The following QKI variants were observed in gnomAD, a reference collection of about 807,000 sequenced individuals.
The protein encoded by QKI is KH domain-containing RNA-binding protein QKI.
Under a neutral mutation model 39.0 loss-of-function variants are expected in QKI, and 10 were observed. The ratio of observed to expected loss-of-function variants is 0.26; its 90% CI spans 0.16 to 0.43. The LOEUF is 0.43. QKI is among the 20% of genes least tolerant of loss of function. The pLI, the probability that QKI is intolerant of heterozygous loss-of-function variation, is 1.00. For missense variants in QKI, 218 were observed against 428.0 expected, an observed-to-expected ratio of 0.51 and a Z score of 4.33; for synonymous variants, 204 against 155.4, an observed-to-expected ratio of 1.31 and a Z score of -2.33.
At chr6:163,430,708 T>C (rs1376465074) in intron 1 of QKI, among the ~76,000 whole-genome samples, 3 of 152,144 alleles carry the variant, frequency 2.0e-5, no homozygotes, top group Non-Finnish European at 2.9e-5. Flanking sequence ...ATCTTCCCAG[T>C]TTGCTTTTTA....
At chr6:163,561,875 G>A in intron 4 of QKI, 107 bp from the exon 5 acceptor site, 3 of 739,824 alleles carry the variant, frequency 4.1e-6, no homozygotes, top group Admixed American at 6.0e-5. Context: ...TATTAAAACA[G>A]GTGACTGTAG....
intron 2 of QKI, among the ~76,000 whole-genome samples, chr6:163,477,846 T>C (rs1562471317): frequency 6.6e-6 from 1 of 152,228 alleles, no homozygotes. Context: ...GTGGATTTTC[T>C]AGCACGTTAC....
At chr6:163,474,094 T>C (rs1792397899) in intron 2 of QKI, among the ~76,000 whole-genome samples, 1 of 152,190 alleles carries the variant, frequency 6.6e-6, no homozygotes, top group Non-Finnish European at 1.5e-5. Flanking sequence ...GAAATGTTGT[T>C]TTAATAGATA....
intron 3 of QKI, among the ~76,000 whole-genome samples, chr6:163,490,687 T>G (rs1435096925): frequency 1.3e-5 from 2 of 152,010 alleles, no homozygotes; most frequent in African/African-American, 4.8e-5. Context: ...TTTATTTCAT[T>G]TTGAAAGCAG....
chr6:163,455,254 C>T (rs2128219202), intron 1 of QKI, 25 bp from the exon 2 acceptor site: 4 of 1,587,190 alleles, frequency 2.5e-6, no homozygotes, highest in East Asian at 4.5e-5. Flanking sequence ...TTGTCTAACA[C>T]ATTTAAAATT....
At chr6:163,428,554 A>C (rs1265415511) in intron 1 of QKI, among the ~76,000 whole-genome samples, 2 of 152,200 alleles carry the variant, frequency 1.3e-5, no homozygotes, top group East Asian at 3.8e-4. Context: ...AGATAGTCTT[A>C]TCTCACTTTT....
intron 3 of QKI, among the ~76,000 whole-genome samples, chr6:163,494,477 C>T (rs1373328958): frequency 1.3e-5 from 2 of 152,084 alleles, no homozygotes; most frequent in South Asian, 2.1e-4. Context: ...TCATTACTGG[C>T]GACACTTTCA....
intron 1 of QKI, among the ~76,000 whole-genome samples, chr6:163,437,737 A>G (rs1474749750): frequency 3.3e-5 from 5 of 152,138 alleles, no homozygotes; most frequent in African/African-American, 1.2e-4. Context: ...TAGTTATGCA[A>G]ATTTACATTA....
At chr6:163,517,752 G>A (rs1335745941) in intron 3 of QKI, among the ~76,000 whole-genome samples, 1 of 152,176 alleles carries the variant, frequency 6.6e-6, no homozygotes, top group Non-Finnish European at 1.5e-5. Flanking sequence ...TAGTTAAGCT[G>A]ACACACTGCA....
chr6:163,512,184 C>T (rs146265054), intron 3 of QKI, among the ~76,000 whole-genome samples: 2 of 151,946 alleles, frequency 1.3e-5, no homozygotes, highest in Admixed American at 1.3e-4. Flanking sequence ...TAGAAGGAAA[C>T]TTCCTCAGTT....
intron 1 of QKI, among the ~76,000 whole-genome samples, chr6:163,448,698 T>C (rs138014667): frequency 0.039 from 5,989 of 152,086 alleles, 400 homozygotes; most frequent in African/African-American, 0.14. Context: ...GATTGTGCCA[T>C]TGCACTCCAG....
At chr6:163,439,181 G>A (rs969484430) in intron 1 of QKI, among the ~76,000 whole-genome samples, 2 of 152,110 alleles carry the variant, frequency 1.3e-5, no homozygotes, top group African/African-American at 4.8e-5. Flanking sequence ...CACAGTGTCT[G>A]ATACCACAGA....
intron 3 of QKI, among the ~76,000 whole-genome samples, chr6:163,506,725 C>T (rs1779117914): frequency 6.6e-6 from 1 of 152,120 alleles, no homozygotes; most frequent in African/African-American, 2.4e-5. Flanking sequence ...GTGCCTGGCA[C>T]ATTGTAGACA....
At chr6:163,467,663 T>G (rs2128222361) in intron 2 of QKI, among the ~76,000 whole-genome samples, 1 of 152,350 alleles carries the variant, frequency 6.6e-6, no homozygotes, top group African/African-American at 2.4e-5. Flanking sequence ...ATTTTATAAA[T>G]TAGCTATTTC....
intron 2 of QKI, among the ~76,000 whole-genome samples, chr6:163,472,900 A>G (rs1434436071): frequency 1.3e-5 from 2 of 152,202 alleles, no homozygotes; most frequent in East Asian, 1.9e-4. Context: ...GAAGGAATAC[A>G]ATAAGCAAAA....
intron 3 of QKI, among the ~76,000 whole-genome samples, chr6:163,530,734 C>T (rs1442215710): frequency 6.6e-6 from 1 of 152,108 alleles, no homozygotes; most frequent in Non-Finnish European, 1.5e-5. Context: ...GTCGGTCTCT[C>T]TCTTCACACT....
intron 7 of QKI, chr6:163,569,012 CAAA>C (rs1783544074): frequency 1.0e-6 from 1 of 980,730 alleles, no homozygotes; most frequent in Non-Finnish European, 1.2e-6. Flanking sequence ...CTGAGTAATA[CAAA>C]AACCATCACT....
intron 3 of QKI, among the ~76,000 whole-genome samples, chr6:163,485,201 G>T (rs567053186): frequency 3.3e-5 from 5 of 152,300 alleles, no homozygotes; most frequent in Admixed American, 6.5e-5. Flanking sequence ...TTTTAGATGA[G>T]ATCGGGTGCA....
At chr6:163,467,887 T>C (rs1791892265) in intron 2 of QKI, among the ~76,000 whole-genome samples, 1 of 152,180 alleles carries the variant, frequency 6.6e-6, no homozygotes. Flanking sequence ...GATAAAACCA[T>C]TGCAACTGAA....
Sources: gnomAD v4.1 joint callset for allele counts (sites outside exome capture counted in the v4.1 genomes callset) on GRCh38, gnomAD v4.1.1 for gene constraint, MANE v1.5 for transcripts, NCBI Gene and HGNC (gene_info 2026-07-23, HGNC 2026-07-21) for gene names.